Variants in MLLT3 observed in about 807,000 individuals in gnomAD.
MLLT3 encodes MLLT3 super elongation complex subunit, also known as protein AF-9.
Under a neutral mutation model 53.2 loss-of-function variants are expected in MLLT3, and 4 were observed. The observed-to-expected ratio is 0.08, with a 90% confidence interval of 0.04 to 0.17. The LOEUF (loss-of-function observed/expected upper bound fraction) is 0.17. MLLT3 is among the 10% of genes least tolerant of loss of function. MLLT3 has a pLI of 1.00. For missense variants in MLLT3, 569 were observed against 684.0 expected (o/e 0.83, Z 1.87); for synonymous variants, 283 against 230.6 (o/e 1.23, Z -2.06).
intron 2 of MLLT3, among the ~76,000 whole-genome samples, chr9:20,490,076 A>G (rs1824910656): frequency 6.6e-6 from 1 of 152,156 alleles, no homozygotes; most frequent in Non-Finnish European, 1.5e-5. Flanking sequence ...TAAAGATGTG[A>G]TTTCTTTCAT....
At chr9:20,492,557 C>T (rs989718659) in intron 2 of MLLT3, among the ~76,000 whole-genome samples, 6 of 151,792 alleles carry the variant, frequency 4.0e-5, no homozygotes, top group African/African-American at 1.4e-4. Flanking sequence ...TTCATTACTT[C>T]CCACACACAT....
chr9:20,565,952 A>ATT (rs1319698790), intron 2 of MLLT3, among the ~76,000 whole-genome samples: 3 of 8,440 alleles, frequency 3.6e-4, no homozygotes, highest in Admixed American at 1.2e-3. Flanking sequence ...ATATATATAT[A>ATT]TTTATATATA....
At chr9:20,403,593 A>T (rs1822508842) in intron 5 of MLLT3, among the ~76,000 whole-genome samples, 1 of 152,220 alleles carries the variant, frequency 6.6e-6, no homozygotes, top group South Asian at 2.1e-4. Flanking sequence ...CTTGGTAAAC[A>T]ACAGTAAATG....
intron 2 of MLLT3, among the ~76,000 whole-genome samples, chr9:20,501,407 A>C (rs941876676): frequency 5.3e-5 from 8 of 152,174 alleles, no homozygotes; most frequent in Admixed American, 5.2e-4. Flanking sequence ...AACCATGATT[A>C]TTACTTACAA....
Position 20,621,057 on chromosome 9 carries a change from A to T in MLLT3, c.13-223T>A, listed in dbSNP as rs755646897. The stretch of plus-strand genomic sequence containing the variant: ...TGGCCCCAGGCGCCCCGGGCCCCGC[A>T]TCTACATCGGACAGGATTGTAACGG... On this transcript the variant is annotated intron_variant, in intron 1 of 10. Transcript: ENST00000380338. This position sits in a 1 kb window ranked among gnomAD's most constrained non-coding sequence, Gnocchi z 7.0. The T allele has an allele frequency of 7.3e-6, 5 of 683,970 alleles. No homozygotes were observed. Among genetic ancestry groups the T allele is most frequent in the Non-Finnish European group, 1.3e-5 (5 of 377,254 alleles). The allele number at this position is 683,970 out of a possible 1,614,324, so 42.4% of individuals were successfully genotyped here.
chr9:20,621,732 CG>C lies in MLLT3; in HGVS notation c.12+512del. On this transcript the variant is annotated intron_variant, in intron 1 of 10. Transcript: ENST00000380338. This position sits in a 1 kb window ranked among gnomAD's most constrained non-coding sequence, Gnocchi z 7.0. ...CGTGCGGCCCCGCCGCTGTCAGCCCCGCACACTTCGGCTCACACACGCGCGC... is the reference window on the plus strand; with the variant it reads ...CGTGCGGCCCCGCCGCTGTCAGCCCCCACACTTCGGCTCACACACGCGCGC... 6.7e-7 allele frequency: 1 copy of C among 1,489,726 alleles called. No homozygotes were observed. The highest frequency in any genetic ancestry group is 1.2e-5 in the South Asian group (1 of 80,612). The allele number at this position is 1,489,726 out of a possible 1,614,324, so 92.3% of individuals were successfully genotyped here.
At position 20,413,949 on chromosome 9, in the gene MLLT3, T is replaced by C; in HGVS notation, c.897A>G (p.Lys299=). ...TAAATAAAGCCTCTGAGCTACTCTT[T>C]TTCCTTTTTTTGGCTGAGAGTTCTT... ...DSEELSAKKR[K]KSSSEALFKS... The change falls in exon 5 of 11, where the codon AAA becomes AAG. Residue 299 remains lysine, a synonymous_variant. Transcript: ENST00000380338. The C allele has an allele frequency of 6.2e-7, 1 of 1,613,652 alleles. No homozygotes were observed. Among genetic ancestry groups the C allele is most frequent in the Non-Finnish European group, 8.5e-7 (1 of 1,179,942 alleles).
intron 8 of MLLT3, among the ~76,000 whole-genome samples, chr9:20,355,814 G>A (rs1340535496): frequency 6.6e-6 from 1 of 152,156 alleles, no homozygotes; most frequent in African/African-American, 2.4e-5. Context: ...CCAAATAAAG[G>A]ACCTAATTTA....
intron 2 of MLLT3, among the ~76,000 whole-genome samples, chr9:20,577,793 A>T (rs1311100038): frequency 3.3e-5 from 5 of 152,238 alleles, no homozygotes; most frequent in Non-Finnish European, 7.3e-5. Flanking sequence ...CCATTTTGCC[A>T]GCTAGGCTTT....
Position 20,622,407 on chromosome 9 carries a change from C to T in MLLT3, c.-151G>A, listed in dbSNP as rs564145418. 1.6e-4 allele frequency: 115 copies of T among 706,100 alleles called. No individual in the cohort carries two copies. In the African/African-American group the frequency reaches 2.0e-3, roughly 12 times the overall value. 43.7% of individuals were successfully genotyped at this position (706,100 alleles called of 1,614,324 possible). ...CGGACATTCTCTGCCTTTTTCCCCCCGCGCTCGCTTGCTCGCTCGCTCGCT... is the reference window on the plus strand; with the variant it reads ...CGGACATTCTCTGCCTTTTTCCCCCTGCGCTCGCTTGCTCGCTCGCTCGCT... On this transcript the variant is annotated 5_prime_UTR_variant, in exon 1 of 11. Transcript: ENST00000380338.
chr9:20,386,394 A>G (rs183715953), intron 5 of MLLT3, among the ~76,000 whole-genome samples: 1 of 152,326 alleles, frequency 6.6e-6, no homozygotes, highest in Non-Finnish European at 1.5e-5. Flanking sequence ...TCAGAAGCCA[A>G]TAAACCCAAA....
At chr9:20,515,479 T>G (rs1817887339) in intron 2 of MLLT3, among the ~76,000 whole-genome samples, 1 of 152,176 alleles carries the variant, frequency 6.6e-6, no homozygotes, top group Non-Finnish European at 1.5e-5. Context: ...CCATTTTTAG[T>G]TCCTATATCT....
chr9:20,576,324 T>C (rs1018940289), intron 2 of MLLT3, among the ~76,000 whole-genome samples: 1 of 152,212 alleles, frequency 6.6e-6, no homozygotes, highest in African/African-American at 2.4e-5. Flanking sequence ...TGCTATCTTA[T>C]CACTCATGTG....
At chr9:20,400,955 A>G (rs1822439712) in intron 5 of MLLT3, among the ~76,000 whole-genome samples, 1 of 152,188 alleles carries the variant, frequency 6.6e-6, no homozygotes, top group African/African-American at 2.4e-5. Flanking sequence ...CTGAGAAAGG[A>G]AAGAGACAGG....
intron 2 of MLLT3, among the ~76,000 whole-genome samples, chr9:20,524,947 C>G (rs745825770): frequency 6.6e-6 from 1 of 151,996 alleles, no homozygotes; most frequent in Non-Finnish European, 1.5e-5. Context: ...GGAACCCTGT[C>G]AGGCTACAGA....
At chr9:20,403,382 C>A (rs1013374914) in intron 5 of MLLT3, among the ~76,000 whole-genome samples, 1 of 152,184 alleles carries the variant, frequency 6.6e-6, no homozygotes, top group African/African-American at 2.4e-5. Flanking sequence ...GTTAATGTAT[C>A]TACAGGCCCA....
At chr9:20,574,050 C>T (rs1209359124) in intron 2 of MLLT3, among the ~76,000 whole-genome samples, 1 of 152,116 alleles carries the variant, frequency 6.6e-6, no homozygotes, top group Non-Finnish European at 1.5e-5. Flanking sequence ...ACTTGAAAAT[C>T]AAAATCACCT....
intron 7 of MLLT3, among the ~76,000 whole-genome samples, chr9:20,362,264 T>C (rs1410778701): frequency 6.6e-6 from 1 of 152,070 alleles, no homozygotes; most frequent in Non-Finnish European, 1.5e-5. Context: ...CAGCAATAAG[T>C]AGGTGGGCAA....
chr9:20,409,411 G>GT (rs566850511), intron 5 of MLLT3, among the ~76,000 whole-genome samples: 5 of 152,090 alleles, frequency 3.3e-5, no homozygotes, highest in Non-Finnish European at 7.4e-5. Flanking sequence ...AAGATATTTG[G>GT]TTTTTTCCCT....
Sources: gnomAD v4.1 joint callset for allele counts (sites outside exome capture counted in the v4.1 genomes callset) on GRCh38, gnomAD v4.1.1 for gene constraint, Gnocchi (gnomAD v3.1) non-coding constraint, MANE v1.5 for transcripts, NCBI Gene and HGNC (gene_info 2026-07-23, HGNC 2026-07-21) for gene names.